The following SORBS2 variants were observed in gnomAD, a reference collection of about 807,000 sequenced individuals.
The protein encoded by SORBS2 is sorbin and SH3 domain containing 2, also known as sorbin and SH3 domain-containing protein 2.
In SORBS2, 46 loss-of-function variants were observed where a neutral mutation model predicts 97.7. The observed-to-expected ratio is 0.47, with a 90% confidence interval of 0.37 to 0.60. The LOEUF is 0.60. Among genes scored for constraint, SORBS2 ranks in the 20% least tolerant of loss-of-function variants. SORBS2 has a pLI of 0.00. For missense variants in SORBS2, 1,316 were observed against 1,282.3 expected (o/e 1.03, Z -0.40); for synonymous variants, 476 against 473.4 (o/e 1.01, Z -0.07).
At chr4:185,867,612 C>A (rs976182602) in intron 1 of SORBS2, among the ~76,000 whole-genome samples, 1 of 152,176 alleles carries the variant, frequency 6.6e-6, no homozygotes, top group Non-Finnish European at 1.5e-5. Context: ...TTGAGTTCAA[C>A]CATTGGACTG....
At chr4:185,839,367 G>A (rs927307517) in intron 1 of SORBS2, among the ~76,000 whole-genome samples, 2 of 152,288 alleles carry the variant, frequency 1.3e-5, no homozygotes, top group African/African-American at 2.4e-5. Context: ...AGAACACTGC[G>A]CTGGGATTCC....
At chr4:185,713,504 G>C (rs534813063) in intron 2 of SORBS2, among the ~76,000 whole-genome samples, 1 of 152,278 alleles carries the variant, frequency 6.6e-6, no homozygotes, top group East Asian at 1.9e-4. Flanking sequence ...TTTAATCATG[G>C]GGTGGAACCT....
At chr4:185,719,002 A>T (rs147010994) in intron 2 of SORBS2, among the ~76,000 whole-genome samples, 23 of 152,252 alleles carry the variant, frequency 1.5e-4, no homozygotes, top group African/African-American at 5.5e-4. Context: ...AATGAGTCAC[A>T]CTCTCTACAA....
intron 1 of SORBS2, among the ~76,000 whole-genome samples, chr4:185,950,049 C>G (rs367864372): frequency 6.6e-6 from 1 of 152,102 alleles, no homozygotes. Flanking sequence ...GTCAGGAGTT[C>G]GAAACCAGCC....
chr4:185,859,095 A>T (rs56310016), intron 1 of SORBS2, among the ~76,000 whole-genome samples: 28,874 of 152,076 alleles, frequency 0.19, 3,648 homozygotes, highest in East Asian at 0.55. Flanking sequence ...TGCCAAGAAA[A>T]CAACAACATA....
chr4:185,845,475 A>G (rs2099214063), intron 1 of SORBS2, among the ~76,000 whole-genome samples: 1 of 152,236 alleles, frequency 6.6e-6, no homozygotes, highest in Admixed American at 6.5e-5. Flanking sequence ...CTTATAGAAG[A>G]AAACAAAGGA....
intron 2 of SORBS2, among the ~76,000 whole-genome samples, chr4:185,699,385 C>T (rs6848805): frequency 0.16 from 23,115 of 147,738 alleles, 4,089 homozygotes; most frequent in African/African-American, 0.42. Flanking sequence ...CTCCCAGGTT[C>T]GAGCAATTCT....
chr4:185,809,455 C>CACAAAA (rs2099170172), intron 1 of SORBS2, among the ~76,000 whole-genome samples: 1 of 47,296 alleles, frequency 2.1e-5, no homozygotes, highest in Non-Finnish European at 3.5e-5. Context: ...ACTGCATTTG[C>CACAAAA]AAAAAAAAAA....
chr4:185,945,952 C>T (rs1311726429), intron 1 of SORBS2, among the ~76,000 whole-genome samples: 6 of 152,176 alleles, frequency 3.9e-5, no homozygotes, highest in Non-Finnish European at 7.4e-5. Flanking sequence ...GGCAATGGGG[C>T]AGAGGCTGTT....
chr4:185,789,548 T>A (rs932405168), intron 1 of SORBS2, among the ~76,000 whole-genome samples: 7 of 150,674 alleles, frequency 4.6e-5, no homozygotes, highest in African/African-American at 1.7e-4. Context: ...TTATATATAA[T>A]CAAGAAATTA....
At chr4:185,811,126 AC>A (rs2099180968) in intron 1 of SORBS2, 1 of 152,218 alleles carries the variant, frequency 6.6e-6, no homozygotes, top group African/African-American at 2.4e-5. Flanking sequence ...ATCAAACAGG[AC>A]ACCAAGACAC....
At chr4:185,888,970 T>C (rs918897320) in intron 1 of SORBS2, among the ~76,000 whole-genome samples, 1 of 152,252 alleles carries the variant, frequency 6.6e-6, no homozygotes, top group East Asian at 1.9e-4. Flanking sequence ...GCTGTATCTC[T>C]TTCCCAGCAC....
At chr4:185,730,084 C>A (rs1400335997) in intron 2 of SORBS2, among the ~76,000 whole-genome samples, 1 of 152,116 alleles carries the variant, frequency 6.6e-6, no homozygotes, top group Non-Finnish European at 1.5e-5. Context: ...TCCCGAGTAG[C>A]TGGGACTACA....
chr4:185,710,014 C>T (rs921374033), intron 2 of SORBS2: 5 of 152,172 alleles, frequency 3.3e-5, no homozygotes, highest in African/African-American at 1.2e-4. Context: ...AGGAGAGGGA[C>T]AAAGTCACTT....
intron 4 of SORBS2, among the ~76,000 whole-genome samples, chr4:185,669,562 T>G (rs549887722): frequency 6.6e-6 from 1 of 152,138 alleles, no homozygotes; most frequent in East Asian, 1.9e-4. Context: ...TGGCCAGGCC[T>G]CAGGAGAGGA....
chr4:185,777,502 G>A (rs2099005749), intron 1 of SORBS2, among the ~76,000 whole-genome samples: 2 of 152,114 alleles, frequency 1.3e-5, no homozygotes, highest in African/African-American at 4.8e-5. Flanking sequence ...AGAAGCTATG[G>A]CATTAAGGAA....
intron 1 of SORBS2, among the ~76,000 whole-genome samples, chr4:185,852,208 T>C (rs1464135591): frequency 1.3e-5 from 2 of 152,184 alleles, no homozygotes; most frequent in African/African-American, 2.4e-5. Flanking sequence ...ATTCGGCTCC[T>C]ATTTTTTACA....
At chr4:185,893,276 T>C (rs891675953) in intron 1 of SORBS2, among the ~76,000 whole-genome samples, 1 of 152,166 alleles carries the variant, frequency 6.6e-6, no homozygotes, top group Admixed American at 6.5e-5. Flanking sequence ...GGGCTTGACA[T>C]GGGATCATAA....
chr4:185,848,587 C>T (rs1461861022), intron 1 of SORBS2, among the ~76,000 whole-genome samples: 1 of 144,738 alleles, frequency 6.9e-6, no homozygotes, highest in African/African-American at 2.6e-5. Context: ...GAATTAAGTC[C>T]AGGTTTTAAA....
Sources: allele counts gnomAD v4.1 joint callset (sites outside exome capture counted in the v4.1 genomes callset), GRCh38; gene constraint gnomAD v4.1.1; transcripts MANE v1.5; gene names NCBI Gene and HGNC (gene_info 2026-07-23, HGNC 2026-07-21).